PPP4R3B: variants seen among roughly 807,000 people sequenced by gnomAD.
PPP4R3B encodes protein phosphatase 4 regulatory subunit 3B, also known as serine/threonine-protein phosphatase 4 regulatory subunit 3B.
PPP4R3B carries 52 observed loss-of-function variants against 95.4 expected under a neutral mutation model. The observed-to-expected ratio is 0.54, with a 90% confidence interval of 0.44 to 0.69. The LOEUF is 0.69. Among genes scored for constraint, PPP4R3B ranks in the 30% least tolerant of loss-of-function variants. The probability of loss-of-function intolerance (pLI) is 0.00; values close to 1 mark genes in which losing one functional copy is unlikely to be tolerated. For missense variants in PPP4R3B, 1,003 were observed against 1,005.9 expected (o/e 1.00, Z 0.04); for synonymous variants, 407 against 343.9 (o/e 1.18, Z -2.03).
chr2:55,601,345 T>C (rs1404557928), intron 3 of PPP4R3B, among the ~76,000 whole-genome samples: 1 of 151,766 alleles, frequency 6.6e-6, no homozygotes, highest in Admixed American at 6.6e-5. Flanking sequence ...AGACGTTTTG[T>C]CATACAATAT....
intron 9 of PPP4R3B, among the ~76,000 whole-genome samples, chr2:55,579,317 T>C (rs1365722421): frequency 6.6e-6 from 1 of 152,152 alleles, no homozygotes; most frequent in Non-Finnish European, 1.5e-5. Flanking sequence ...CTACTCATTC[T>C]AGATATCGCA....
intron 16 of PPP4R3B, among the ~76,000 whole-genome samples, chr2:55,556,759 T>C (rs1185945390): frequency 6.6e-6 from 1 of 152,272 alleles, no homozygotes; most frequent in East Asian, 1.9e-4. Flanking sequence ...GGTACTACCT[T>C]ACCCCTTTTT....
intron 2 of PPP4R3B, among the ~76,000 whole-genome samples, chr2:55,612,945 CAA>C (rs558897062): frequency 9.1e-5 from 11 of 121,010 alleles, no homozygotes; most frequent in Non-Finnish European, 1.2e-4. Flanking sequence ...GACTCCATCT[CAA>C]AAAAAAAAAA....
intron 2 of PPP4R3B, among the ~76,000 whole-genome samples, chr2:55,612,667 G>A (rs192977860): frequency 4.0e-4 from 61 of 152,136 alleles, no homozygotes; most frequent in African/African-American, 1.1e-3. Context: ...AAGGTTGGCC[G>A]GGCTTGGTGG....
chr2:55,575,112 T>G (rs985245867), intron 11 of PPP4R3B, among the ~76,000 whole-genome samples: 23 of 150,520 alleles, frequency 1.5e-4, no homozygotes, highest in East Asian at 3.9e-4. Context: ...TAATTTTTTT[T>G]TGTGTTTTCA....
At chr2:55,610,683 T>C (rs773188647) in intron 2 of PPP4R3B, among the ~76,000 whole-genome samples, 5 of 152,208 alleles carry the variant, frequency 3.3e-5, no homozygotes, top group Admixed American at 2.0e-4. Flanking sequence ...TGTTGCCTCA[T>C]GTGTGAAATG....
chr2:55,594,827 T>C (rs1229074257), intron 4 of PPP4R3B, among the ~76,000 whole-genome samples: 1 of 151,920 alleles, frequency 6.6e-6, no homozygotes, highest in Non-Finnish European at 1.5e-5. Flanking sequence ...ACATCTAACC[T>C]CCCCCACACT....
chr2:55,553,339 G>A (rs1412353682), intron 16 of PPP4R3B, among the ~76,000 whole-genome samples: 2 of 152,138 alleles, frequency 1.3e-5, no homozygotes, highest in African/African-American at 4.8e-5. Context: ...AGCTTTGTCT[G>A]TAAAAATTAG....
At chr2:55,588,418 C>T (rs1435641778) in intron 5 of PPP4R3B, among the ~76,000 whole-genome samples, 1 of 150,418 alleles carries the variant, frequency 6.6e-6, no homozygotes, top group Non-Finnish European at 1.5e-5. Flanking sequence ...GAGGCTGAGG[C>T]GGGAGAATCC....
chr2:55,590,987 G>C (rs1690930341), intron 4 of PPP4R3B, among the ~76,000 whole-genome samples: 1 of 152,200 alleles, frequency 6.6e-6, no homozygotes, highest in African/African-American at 2.4e-5. Flanking sequence ...GTCTGACTCA[G>C]AATGTGTCTG....
In PPP4R3B at chr2:55,585,014, C is replaced by A. The variant is rs1464244594; in HGVS notation, c.1233+37G>T. On this transcript the variant is annotated intron_variant, in intron 7 of 16. Coordinates refer to ENST00000616407, the MANE Select transcript of PPP4R3B (RefSeq NM_001122964.3). ...TAGTTTGCAAACACTACTCACTCTA[C>A]AGGTAATTCACATAGAACCACAGCA... 9 of 1,422,432 alleles carry A rather than the reference C, an allele frequency of 6.3e-6. No individual in the cohort carries two copies. In the East Asian group the frequency reaches 1.6e-4, roughly 26 times the overall value. 88.1% of individuals were successfully genotyped at this position (1,422,432 alleles called of 1,614,324 possible). A position where few individuals can be genotyped will look rare whatever the true frequency, so the allele number is the denominator to read the frequency against.
At chr2:55,557,066 A>G (rs113357776) in intron 16 of PPP4R3B, among the ~76,000 whole-genome samples, 24 of 151,572 alleles carry the variant, frequency 1.6e-4, no homozygotes, top group African/African-American at 2.9e-4. Context: ...CTGTAACAAC[A>G]ACGACGACGA....
chr2:55,574,016 G>A (rs975145406), intron 11 of PPP4R3B, among the ~76,000 whole-genome samples: 1 of 150,638 alleles, frequency 6.6e-6, no homozygotes, highest in African/African-American at 2.4e-5. Context: ...AGCTGCCAGA[G>A]TAGCTGGAAC....
chr2:55,605,571 A>T (rs1693259176), intron 2 of PPP4R3B, among the ~76,000 whole-genome samples: 1 of 152,168 alleles, frequency 6.6e-6, no homozygotes, highest in South Asian at 2.1e-4. Context: ...ATTTGCTACC[A>T]GAGTTAGTCT....
In PPP4R3B at chr2:55,564,332, C is replaced by G. The variant is rs145292231; in HGVS notation, c.2241G>C (p.Lys747Asn). The G allele has an allele frequency of 2.5e-6, 4 of 1,613,078 alleles. No homozygotes were observed. The African/African-American group carries it at 4.0e-5, about 16-fold the overall frequency. Reference protein sequence around the residue: ...PEDDFPDNYEKFMETKKAKES... With the variant: ...PEDDFPDNYENFMETKKAKES... ...TAATACCTTTTTTAGTCTCCATAAA[C>G]TTTTCATAATTATCTGGAAAATCAT... Residue 747 changes from lysine (K) to asparagine (N), a missense_variant, in exon 15 of 17, where the codon AAG becomes AAC. Coordinates refer to ENST00000616407, the MANE Select transcript of PPP4R3B (RefSeq NM_001122964.3).
At chr2:55,615,393 T>C in intron 2 of PPP4R3B, 58 bp downstream of exon 2, 1 of 1,256,498 alleles carries the variant, frequency 8.0e-7, no homozygotes, top group Non-Finnish European at 1.1e-6. Flanking sequence ...CTTTGTCAGA[T>C]TAATACTTCC....
intron 5 of PPP4R3B, among the ~76,000 whole-genome samples, chr2:55,588,546 T>C (rs1262804058): frequency 6.7e-6 from 1 of 150,010 alleles, no homozygotes; most frequent in Middle Eastern, 3.5e-3. Context: ...AAGAAAAGCA[T>C]GGCTATAATG....
Position 55,598,913 on chromosome 2 carries a change from G to A in PPP4R3B, c.424C>T (p.Leu142Phe). Reference sequence around the variant, plus strand: ...GTAACTAAGTCAGCAATCTCTTCAAGTTTATTGAGTTCACATGTGGGCAGG... The same window carrying A: ...GTAACTAAGTCAGCAATCTCTTCAAATTTATTGAGTTCACATGTGGGCAGG... ...IDLPTCELNK[L>F]EEIADLVTSV... Residue 142 changes from leucine (L) to phenylalanine (F), a missense_variant, in exon 4 of 17, where the codon CTT (leucine) becomes TTT (phenylalanine). Physicochemically the swap from Leu to Phe is conservative, Grantham distance 22. Coordinates refer to ENST00000616407, the MANE Select transcript of PPP4R3B (RefSeq NM_001122964.3). 1 of 1,614,188 alleles carries A rather than the reference G, an allele frequency of 6.2e-7. No individual in the cohort carries two copies. Among genetic ancestry groups the A allele is most frequent in the Non-Finnish European group, 8.5e-7 (1 of 1,180,042 alleles).
chr2:55,588,527 AAAAAG>A (rs1690497476), intron 5 of PPP4R3B, among the ~76,000 whole-genome samples: 1 of 151,478 alleles, frequency 6.6e-6, no homozygotes, highest in Non-Finnish European at 1.5e-5. Flanking sequence ...AAAAAAAAAA[AAAAAG>A]AAAAAGAAAA....
Sources: gnomAD v4.1 joint callset for allele counts (sites outside exome capture counted in the v4.1 genomes callset) on GRCh38, gnomAD v4.1.1 for gene constraint, MANE v1.5 for transcripts, NCBI Gene and HGNC (gene_info 2026-07-23, HGNC 2026-07-21) for gene names.